The following SYNPR variants were observed in gnomAD, a reference collection of about 807,000 sequenced individuals.
SYNPR encodes synaptoporin.
Under a neutral mutation model 32.9 loss-of-function variants are expected in SYNPR, and 23 were observed. The ratio of observed to expected loss-of-function variants is 0.70; its 90% CI spans 0.50 to 0.99. The LOEUF is 0.99. Ranked by LOEUF, SYNPR falls within the 50% of genes least tolerant of loss-of-function variation. SYNPR has a pLI of 0.00. For missense variants in SYNPR, 318 were observed against 349.3 expected, an observed-to-expected ratio of 0.91 and a Z score of 0.71; for synonymous variants, 146 against 135.9, an observed-to-expected ratio of 1.07 and a Z score of -0.52.
intron 2 of SYNPR, among the ~76,000 whole-genome samples, chr3:63,405,348 G>A (rs1409374141): frequency 1.3e-5 from 2 of 152,178 alleles, no homozygotes; most frequent in Non-Finnish European, 2.9e-5. Context: ...CTTCTCCAAA[G>A]AAATGTTCTA....
intron 3 of SYNPR, among the ~76,000 whole-genome samples, chr3:63,529,348 GTTA>G (rs1702070636): frequency 6.6e-6 from 1 of 152,202 alleles, no homozygotes; most frequent in South Asian, 2.1e-4. Context: ...TTTTATTTGT[GTTA>G]TTTTCATTGT....
chr3:63,420,665 G>C (rs529161528), intron 2 of SYNPR, among the ~76,000 whole-genome samples: 2 of 152,022 alleles, frequency 1.3e-5, no homozygotes, highest in East Asian at 3.9e-4. Flanking sequence ...AGTAATAAAA[G>C]CAAATGTTAT....
intron 3 of SYNPR, among the ~76,000 whole-genome samples, chr3:63,540,711 T>C (rs1307842554): frequency 6.6e-6 from 1 of 151,954 alleles, no homozygotes; most frequent in African/African-American, 2.4e-5. Flanking sequence ...TAGACAAATA[T>C]GTATTGGGCA....
intron 3 of SYNPR, among the ~76,000 whole-genome samples, chr3:63,486,242 C>T (rs1701147612): frequency 6.6e-6 from 1 of 152,146 alleles, no homozygotes; most frequent in Non-Finnish European, 1.5e-5. Flanking sequence ...GGCTTTCTCT[C>T]ACCGCTGGAA....
chr3:63,408,224 G>A (rs71619285), intron 2 of SYNPR, among the ~76,000 whole-genome samples: 511 of 44,428 alleles, frequency 0.012, 5 homozygotes, highest in African/African-American at 0.015. Context: ...AAGGAAGGAA[G>A]GAAGGAAAGA....
chr3:63,439,705 C>T (rs1700136006), intron 2 of SYNPR, among the ~76,000 whole-genome samples: 1 of 152,162 alleles, frequency 6.6e-6, no homozygotes, highest in Non-Finnish European at 1.5e-5. Flanking sequence ...AAATTTGCAA[C>T]CCTTCCAGAA....
rs535666291 is a variant in SYNPR, at chr3:63,527,420, G to A, written c.210-29123G>A. On this transcript the variant is annotated intron_variant, in intron 3 of 5. Coordinates refer to ENST00000478300, the MANE Select transcript of SYNPR (RefSeq NM_001130003.2). ...CAGAAAGCACTGTCCTGTCATTCCCGTAATAAATATGCAAGCAGCAATCAG... is the reference window on the plus strand; with the variant it reads ...CAGAAAGCACTGTCCTGTCATTCCCATAATAAATATGCAAGCAGCAATCAG... Among the ~76,000 whole-genome samples, 240 of 151,684 alleles carry A rather than the reference G, an allele frequency of 1.6e-3. 1 individual carries two copies. Among genetic ancestry groups the A allele is most frequent in the African/African-American group, 5.3e-3 (217 of 41,280 alleles).
intron 2 of SYNPR, among the ~76,000 whole-genome samples, chr3:63,356,019 C>T (rs1290983633): frequency 3.3e-5 from 5 of 152,194 alleles, no homozygotes; most frequent in African/African-American, 1.2e-4. Flanking sequence ...TTTGGAATTC[C>T]ACATTCCCTC....
intron 3 of SYNPR, among the ~76,000 whole-genome samples, chr3:63,510,187 T>C (rs574808567): frequency 6.6e-6 from 1 of 152,252 alleles, no homozygotes; most frequent in African/African-American, 2.4e-5. Context: ...GCTGGGAGCC[T>C]TCCAACTAGC....
intron 2 of SYNPR, among the ~76,000 whole-genome samples, chr3:63,313,848 CATATATATATCCAT>C (rs1435539152): frequency 3.1e-5 from 1 of 32,440 alleles, no homozygotes; most frequent in African/African-American, 2.1e-4. Context: ...TATATATATC[CATATATATATCCAT>C]ATATATATAT....
chr3:63,429,219 C>G (rs1442823878), intron 2 of SYNPR, among the ~76,000 whole-genome samples: 1 of 152,210 alleles, frequency 6.6e-6, no homozygotes, highest in Non-Finnish European at 1.5e-5. Flanking sequence ...AGATCAACAA[C>G]TACATTACTA....
the SYNPR span, among the ~76,000 whole-genome samples, chr3:63,209,055 A>G: frequency 1.3e-5 from 2 of 152,184 alleles, no homozygotes; most frequent in African/African-American, 4.8e-5. Flanking sequence ...AAAAATGTAT[A>G]AACTCATCAT....
chr3:63,512,009 C>T (rs1701706933), intron 3 of SYNPR, among the ~76,000 whole-genome samples: 3 of 151,452 alleles, frequency 2.0e-5, no homozygotes, highest in Admixed American at 2.0e-4. Flanking sequence ...TTTTTCTAGA[C>T]ATATACGAAC....
intron 2 of SYNPR, among the ~76,000 whole-genome samples, chr3:63,299,951 A>G (rs1287373690): frequency 1.3e-5 from 2 of 152,118 alleles, no homozygotes; most frequent in Non-Finnish European, 2.9e-5. Context: ...AGGATGAAGC[A>G]CTTCCATGTT....
intron 2 of SYNPR, among the ~76,000 whole-genome samples, chr3:63,411,574 G>A (rs1446035359): frequency 6.6e-6 from 1 of 152,122 alleles, no homozygotes; most frequent in Non-Finnish European, 1.5e-5. Flanking sequence ...GCCTTCCTGA[G>A]GAAGTGATTT....
intron 2 of SYNPR, among the ~76,000 whole-genome samples, chr3:63,460,693 A>G (rs1295474847): frequency 6.6e-6 from 1 of 152,070 alleles, no homozygotes; most frequent in East Asian, 1.9e-4. Flanking sequence ...TTGAAGACCG[A>G]AAGCCTTGAA....
chr3:63,391,192 C>T (rs535829252), intron 2 of SYNPR, among the ~76,000 whole-genome samples: 1 of 152,312 alleles, frequency 6.6e-6, no homozygotes, highest in East Asian at 1.9e-4. Context: ...CTATCTACCA[C>T]TCATCCTTCC....
At chr3:63,379,950 T>A (rs1326399473) in intron 2 of SYNPR, among the ~76,000 whole-genome samples, 3 of 152,142 alleles carry the variant, frequency 2.0e-5, no homozygotes, top group African/African-American at 7.2e-5. Context: ...TGGTTTTTTG[T>A]CCTTGCGATA....
intron 2 of SYNPR, among the ~76,000 whole-genome samples, chr3:63,314,146 C>T (rs1456201174): frequency 7.1e-6 from 1 of 140,804 alleles, no homozygotes; most frequent in African/African-American, 2.7e-5. Context: ...TGGGTTGGTC[C>T]CACGATTTTG....
Sources: allele counts gnomAD v4.1 joint callset (sites outside exome capture counted in the v4.1 genomes callset), GRCh38; gene constraint gnomAD v4.1.1; transcripts MANE v1.5; gene names NCBI Gene and HGNC (gene_info 2026-07-23, HGNC 2026-07-21).